Variants in SACS observed in about 807,000 individuals in gnomAD.
SACS encodes sacsin.
A neutral mutation model predicts 348.0 loss-of-function variants in SACS; 197 were observed. The observed-to-expected ratio is 0.57, with a 90% confidence interval of 0.50 to 0.64. The LOEUF is 0.64. Among genes scored for constraint, SACS ranks in the 30% least tolerant of loss-of-function variants. The pLI is 0.00. For missense variants in SACS, 4,999 were observed against 5,360.8 expected, an observed-to-expected ratio of 0.93 and a Z score of 2.11; for synonymous variants, 1,985 against 1,910.6, an observed-to-expected ratio of 1.04 and a Z score of -1.02.
chr13:23,383,230 G>A (rs923151426), intron 2 of SACS, among the ~76,000 whole-genome samples: 3 of 151,928 alleles, frequency 2.0e-5, no homozygotes, highest in African/African-American at 4.8e-5. Context: ...CCACCATGTC[G>A]AAGTGTTTGA....
chr13:23,426,639 CAAAAAAA>C (rs34125695), intron 1 of SACS, among the ~76,000 whole-genome samples: 1 of 113,098 alleles, frequency 8.8e-6, no homozygotes, highest in Non-Finnish European at 1.9e-5. Context: ...GACTCCGTCT[CAAAAAAA>C]AAAAAAAAAA....
intron 1 of SACS, 35 bp from the exon 2 acceptor site, chr13:23,411,775 T>C: frequency 6.3e-6 from 1 of 158,682 alleles, no homozygotes; most frequent in Non-Finnish European, 1.4e-5. Flanking sequence ...AAAGAAAGGG[T>C]TAAGGAAAAG....
chr13:23,334,801 T>C lies in SACS; in HGVS notation c.9075A>G (p.Pro3025=). The C allele has an allele frequency of 1.2e-6, 2 of 1,613,850 alleles. No homozygotes were observed. The highest frequency in any genetic ancestry group is 1.7e-6 in the Non-Finnish European group (2 of 1,179,806). The part of the protein sequence containing the change: ...INMSTSNKTR[P]FFDNLLQDEL... ...CATCCTGTAGTAAATTGTCAAAAAA[T>C]GGTCTAGTTTTATTAGAAGTAGACA... Residue 3025 remains proline, a synonymous_variant, in exon 10 of 10, where the codon CCA becomes CCG. Coordinates refer to ENST00000382292, the MANE Select transcript of SACS (RefSeq NM_014363.6).
At chr13:23,397,892 G>A (rs9634332) in intron 2 of SACS, among the ~76,000 whole-genome samples, 43,179 of 152,070 alleles carry the variant, frequency 0.28, 6,591 homozygotes, top group East Asian at 0.45. Flanking sequence ...TGAGACATCA[G>A]TTAAATACAT....
chr13:23,351,360 A>G (rs1023193885), intron 9 of SACS, among the ~76,000 whole-genome samples: 4 of 152,170 alleles, frequency 2.6e-5, no homozygotes, highest in Admixed American at 1.3e-4. Context: ...CTTGACTTGT[A>G]ACTCCCATAA....
At chr13:23,342,806 T>C in intron 9 of SACS, among the ~76,000 whole-genome samples, 1 of 152,326 alleles carries the variant, frequency 6.6e-6, no homozygotes, top group South Asian at 2.1e-4. Context: ...GAGGCAGCAA[T>C]GAGACTTACA....
Position 23,336,020 on chromosome 13 carries a change from G to C in SACS, c.7856C>G (p.Thr2619Ser). Reference protein sequence around the residue: ...KGTKEGNPYKTGQYGIGFNSV... With the variant: ...KGTKEGNPYKSGQYGIGFNSV... Reference sequence around the variant, plus strand: ...ATTGAATCCTATTCCATACTGTCCAGTTTTATAAGGATTTCCCTCTTTCGT... The same window carrying C: ...ATTGAATCCTATTCCATACTGTCCACTTTTATAAGGATTTCCCTCTTTCGT... The change falls in exon 10 of 10, where the codon ACT (threonine) becomes AGT (serine). Residue 2619 changes from threonine (T) to serine (S), a missense_variant. By Grantham distance (58) the Thr-to-Ser change is moderately conservative (BLOSUM62 1). Transcript: ENST00000382292. The C allele has an allele frequency of 6.2e-7, 1 of 1,612,684 alleles. No individual in the cohort carries two copies. Among genetic ancestry groups the C allele is most frequent in the Non-Finnish European group, 8.5e-7 (1 of 1,178,810 alleles).
chr13:23,399,293 G>A (rs1393047703), intron 2 of SACS, among the ~76,000 whole-genome samples: 1 of 152,044 alleles, frequency 6.6e-6, no homozygotes, highest in Non-Finnish European at 1.5e-5. Flanking sequence ...TTGTTCTCGA[G>A]ATCAACTTCC....
chr13:23,397,222 G>T (rs1322358228), intron 2 of SACS, among the ~76,000 whole-genome samples: 1 of 152,150 alleles, frequency 6.6e-6, no homozygotes, highest in Non-Finnish European at 1.5e-5. Flanking sequence ...ATTAATAAGG[G>T]TGAGGTGAAA....
At chr13:23,419,403 C>T (rs1873828032) in intron 1 of SACS, 1 of 152,246 alleles carries the variant, frequency 6.6e-6, no homozygotes, top group Non-Finnish European at 1.5e-5. Flanking sequence ...TAAGGGTGGC[C>T]TTAGCAATTT....
At chr13:23,401,835 A>T (rs968737463) in intron 2 of SACS, among the ~76,000 whole-genome samples, 1 of 152,214 alleles carries the variant, frequency 6.6e-6, no homozygotes, top group African/African-American at 2.4e-5. Context: ...TAATCTGGGA[A>T]CAGACTCCTG....
rs1006060877 is a variant in SACS at position 23,354,742 on chromosome 13, TC to T, written c.1869del (p.Arg624GlyfsTer3). 1 of 1,613,632 alleles carries T rather than the reference TC, an allele frequency of 6.2e-7. No homozygotes were observed. The highest frequency in any genetic ancestry group is 1.3e-5 in the African/African-American group (1 of 74,946). Reference protein sequence around the residue: ...QLTAASGTTPVRKVTPAWVRQ... With the variant: ...QLTAASGTTPXRKVTPAWVRQ... ...CGCACCCACGCGGGCGTCACCTTCC[TC>T]ACAGGTGTTGTGCCAGAGGCAGCTG... On this transcript the variant is annotated frameshift_variant, in exon 8 of 10. Coordinates refer to ENST00000382292, the MANE Select transcript of SACS (RefSeq NM_014363.6). LOFTEE classifies it high-confidence loss of function.
Position 23,340,570 on chromosome 13 carries a change from A to G in SACS, c.3306T>C (p.Asp1102=), listed in dbSNP as rs759288724. Residue 1102 remains aspartate, a synonymous_variant, in exon 10 of 10, where the codon GAT becomes GAC. Transcript: ENST00000382292. ...LKNEASLKEK[D]VVQVAKKIEA... is the part of the protein sequence containing the mutation. ...CAATTTTTTTTGCCACTTGCACAAC[A>G]TCCTTTTCTTTGAGACTGGCTTCGT... The G allele has an allele frequency of 1.2e-6, 2 of 1,613,620 alleles. No individual in the cohort carries two copies. The highest frequency in any genetic ancestry group is 1.7e-6 in the Non-Finnish European group (2 of 1,179,890).
Position 23,361,881 on chromosome 13 carries a change from C to T in SACS, c.457+3285G>A, listed in dbSNP as rs141687651. Among the ~76,000 whole-genome samples, 303 of 152,252 alleles carry T rather than the reference C, an allele frequency of 2.0e-3. 1 individual carries two copies. The highest frequency in any genetic ancestry group is 5.1e-3 in the African/African-American group (213 of 41,566). On this transcript the variant is annotated intron_variant, in intron 6 of 9. Transcript: ENST00000382292. Reference sequence around the variant, plus strand: ...GAGCAGGCCTGCAGTCTATTTCCCCCTTTCCCCAGGGAATACCCAAGAAAG... The same window carrying T: ...GAGCAGGCCTGCAGTCTATTTCCCCTTTTCCCCAGGGAATACCCAAGAAAG...
rs775801970 is a variant in SACS at position 23,339,906 on chromosome 13, T to C, written c.3970A>G (p.Ile1324Val). 3.1e-6 allele frequency: 5 copies of C among 1,614,094 alleles called. No homozygotes were observed. The East Asian group carries it at 6.7e-5, about 22-fold the overall frequency. The change falls in exon 10 of 10, where the codon ATA (isoleucine) becomes GTA (valine). Residue 1324 changes from isoleucine (I) to valine (V), a missense_variant. Transcript: ENST00000382292. ...FHQLFKVCGS[I>V]EELTSDHISM... Reference sequence around the variant, plus strand: ...ATATGATCTGATGTCAACTCCTCTATTGAACCACAGACCTTAAATAGTTGG... The same window carrying C: ...ATATGATCTGATGTCAACTCCTCTACTGAACCACAGACCTTAAATAGTTGG...
rs558654606 is a variant in SACS at position 23,393,763 on chromosome 13, T to A, written c.20+17457A>T. ...TATTCTTGGTATTCTTTTTTTTATT[T>A]TTTTTTATTTTTTTTGAGACGGAGT... On this transcript the variant is annotated intron_variant, in intron 2 of 9. Coordinates refer to ENST00000382292, the MANE Select transcript of SACS (RefSeq NM_014363.6). Among the ~76,000 whole-genome samples the A allele has an allele frequency of 8.7e-4, 132 of 152,162 alleles. 1 individual carries two copies. In the Middle Eastern group the frequency reaches 0.01, roughly 12 times the overall value.
chr13:23,338,208 A>G lies in SACS; in HGVS notation c.5668T>C (p.Phe1890Leu). The G allele has an allele frequency of 3.1e-6, 5 of 1,614,138 alleles. No individual in the cohort carries two copies. The highest frequency in any genetic ancestry group is 4.2e-6 in the Non-Finnish European group (5 of 1,180,008). ...TGLPVHINGC[F>L]AVTSNRKEIW... ...TCTTTCCTATTTGATGTAACAGCAA[A>G]GCACCCATTGATATGAACTGGCAAG... is the stretch of plus-strand genomic sequence containing the variant. Residue 1890 changes from phenylalanine (F) to leucine (L), a missense_variant, in exon 10 of 10, where the codon TTT (phenylalanine) becomes CTT (leucine). Physicochemically the swap from Phe to Leu is conservative, Grantham distance 22. Coordinates refer to ENST00000382292, the MANE Select transcript of SACS (RefSeq NM_014363.6).
chr13:23,412,410 T>C (rs1467834257), intron 1 of SACS, among the ~76,000 whole-genome samples: 1 of 6,348 alleles, frequency 1.6e-4, no homozygotes. Context: ...CCAAACCCTT[T>C]TTTTTTTTTT....
intron 2 of SACS, among the ~76,000 whole-genome samples, chr13:23,385,965 T>C (rs563875538): frequency 6.6e-5 from 10 of 152,338 alleles, no homozygotes; most frequent in African/African-American, 1.9e-4. Context: ...TTCTGAACAG[T>C]TGGTCTCAAC....
Sources: allele counts gnomAD v4.1 joint callset (sites outside exome capture counted in the v4.1 genomes callset), GRCh38; gene constraint gnomAD v4.1.1; transcripts MANE v1.5; gene names NCBI Gene and HGNC (gene_info 2026-07-23, HGNC 2026-07-21).